The following FER variants were observed in gnomAD, a reference collection of about 807,000 sequenced individuals.
The protein encoded by FER is FER tyrosine kinase.
FER carries 63 observed loss-of-function variants against 111.0 expected under a neutral mutation model. The ratio of observed to expected loss-of-function variants is 0.57; its 90% CI spans 0.46 to 0.70. The LOEUF (loss-of-function observed/expected upper bound fraction) is 0.70. Among genes scored for constraint, FER ranks in the 30% least tolerant of loss-of-function variants. The pLI, the probability that FER is intolerant of heterozygous loss-of-function variation, is 0.00. For synonymous variants in FER, 327 were observed against 313.9 expected (o/e 1.04, Z -0.44); for missense variants, 914 against 954.0 (o/e 0.96, Z 0.55).
At chr5:108,993,640 C>CAAGGGA (rs1763610085) in intron 13 of FER, among the ~76,000 whole-genome samples, 1 of 111,090 alleles carries the variant, frequency 9.0e-6, no homozygotes, top group South Asian at 2.7e-4. Context: ...AGGGTGAGGG[C>CAAGGGA]GAGGGCGAGG....
chr5:109,012,201 T>C (rs1042428464), intron 13 of FER, among the ~76,000 whole-genome samples: 3 of 152,248 alleles, frequency 2.0e-5, no homozygotes, highest in African/African-American at 7.2e-5. Flanking sequence ...AGCCATGTTA[T>C]AGGTTTGCTT....
chr5:109,084,085 C>T (rs1777290078), intron 16 of FER, among the ~76,000 whole-genome samples: 1 of 152,006 alleles, frequency 6.6e-6, no homozygotes, highest in South Asian at 2.1e-4. Context: ...ATGTTACTTC[C>T]AGCCTGATTG....
chr5:108,894,032 A>G (rs769743270), intron 9 of FER, among the ~76,000 whole-genome samples: 3 of 145,358 alleles, frequency 2.1e-5, no homozygotes, highest in Admixed American at 7.0e-5. Flanking sequence ...GATTCCTTCC[A>G]TCTCCAAATG....
intron 3 of FER, chr5:108,817,900 T>G (rs949549240): frequency 6.6e-6 from 1 of 152,210 alleles, no homozygotes; most frequent in African/African-American, 2.4e-5. Flanking sequence ...TATTTACCTC[T>G]ATAGTCTTCC....
intron 17 of FER, among the ~76,000 whole-genome samples, chr5:109,146,198 AATCT>A (rs200295439): frequency 1.1e-4 from 10 of 92,940 alleles, no homozygotes; most frequent in Middle Eastern, 6.0e-3. Context: ...ATATATATAT[AATCT>A]ATCTATTTTA....
rs138724820 is a variant in FER at position 109,140,626 on chromosome 5, A to C, written c.2048+40107A>C. On this transcript the variant is annotated intron_variant, in intron 17 of 19. Coordinates refer to ENST00000281092, the MANE Select transcript of FER (RefSeq NM_005246.4). ...CCTGTTAAAATGATTTCAGTGTTTT[A>C]TGCTACCCTTATGAAAGTCTTGGAC... is the stretch of plus-strand genomic sequence containing the variant. Among the ~76,000 whole-genome samples the C allele has an allele frequency of 5.1e-3, 779 of 152,334 alleles. 8 individuals are homozygous for C. The highest frequency in any genetic ancestry group is 0.018 in the African/African-American group (733 of 41,584).
chr5:109,012,398 C>T (rs906596109), intron 13 of FER, among the ~76,000 whole-genome samples: 6 of 152,084 alleles, frequency 3.9e-5, no homozygotes, highest in Non-Finnish European at 8.8e-5. Flanking sequence ...GCAAGTTTCA[C>T]GTGTCACAAT....
chr5:108,955,963 C>A (rs1294137535), intron 12 of FER, among the ~76,000 whole-genome samples: 2 of 151,736 alleles, frequency 1.3e-5, no homozygotes, highest in East Asian at 3.8e-4. Context: ...ACATTTACAT[C>A]TCGTAGTTAT....
At chr5:109,039,951 A>T (rs1255108438) in intron 14 of FER, among the ~76,000 whole-genome samples, 2 of 152,096 alleles carry the variant, frequency 1.3e-5, no homozygotes, top group Non-Finnish European at 2.9e-5. Flanking sequence ...TGACTAAAAG[A>T]TGATGCTAGG....
chr5:108,957,311 C>A (rs1165396944), intron 12 of FER, among the ~76,000 whole-genome samples: 1 of 151,466 alleles, frequency 6.6e-6, no homozygotes, highest in Non-Finnish European at 1.5e-5. Flanking sequence ...AGACATTTCT[C>A]CAAAAAGTTG....
chr5:108,898,808 G>A (rs1183328319), intron 10 of FER, among the ~76,000 whole-genome samples: 1 of 151,450 alleles, frequency 6.6e-6, no homozygotes, highest in Non-Finnish European at 1.5e-5. Context: ...CAGACACTGT[G>A]ATTGTCATAA....
intron 5 of FER, among the ~76,000 whole-genome samples, chr5:108,840,224 A>C (rs1171181866): frequency 6.6e-6 from 1 of 152,190 alleles, no homozygotes; most frequent in Non-Finnish European, 1.5e-5. Flanking sequence ...ATTTCTAATA[A>C]AATTAACAAT....
At chr5:109,079,547 A>C (rs1776749335) in intron 16 of FER, among the ~76,000 whole-genome samples, 1 of 152,070 alleles carries the variant, frequency 6.6e-6, no homozygotes, top group Non-Finnish European at 1.5e-5. Flanking sequence ...AGCTTTCCTC[A>C]TTTTTTTCCT....
intron 16 of FER, among the ~76,000 whole-genome samples, chr5:109,054,753 T>A (rs11240990): frequency 0.058 from 8,809 of 152,280 alleles, 355 homozygotes; most frequent in South Asian, 0.11. Context: ...TTCAAGTTAA[T>A]TTTTGTATAT....
chr5:109,043,959 G>GA (rs1771569376), intron 14 of FER, among the ~76,000 whole-genome samples: 1 of 151,418 alleles, frequency 6.6e-6, no homozygotes, highest in African/African-American at 2.4e-5. Flanking sequence ...AACAGAGTGA[G>GA]ACTCTGTCTC....
chr5:108,961,918 G>C (rs1287639727), intron 13 of FER, among the ~76,000 whole-genome samples: 1 of 152,076 alleles, frequency 6.6e-6, no homozygotes, highest in Non-Finnish European at 1.5e-5. Context: ...TTTAATTTCT[G>C]TCTTGCTAGA....
intron 2 of FER, among the ~76,000 whole-genome samples, chr5:108,779,259 C>A (rs1011698661): frequency 4.6e-5 from 7 of 151,972 alleles, no homozygotes; most frequent in Non-Finnish European, 1.0e-4. Context: ...CAACTTTATT[C>A]TTTTCCTTTA....
rs1323468945 is a variant in FER, at chr5:109,159,975, G to GGT, written c.2049-20770_2049-20769dup. 3.3e-5 allele frequency among the ~76,000 whole-genome samples: 5 copies of GGT among 152,232 alleles called. No individual in the cohort carries two copies. The East Asian group carries it at 9.6e-4, about 29-fold the overall frequency. ...AGTGACAAAGAGAAAGACTACATTT[G>GGT]GTGGGGGTGGGGATCCCAACTTAAA... On this transcript the variant is annotated intron_variant, in intron 17 of 19. Transcript: ENST00000281092.
At chr5:109,173,743 T>G in intron 17 of FER, among the ~76,000 whole-genome samples, 1 of 140,442 alleles carries the variant, frequency 7.1e-6, no homozygotes. Context: ...GAGTAAGTGG[T>G]ATAATATGTA....
Sources: allele counts gnomAD v4.1 joint callset (sites outside exome capture counted in the v4.1 genomes callset), GRCh38; gene constraint gnomAD v4.1.1; transcripts MANE v1.5; gene names NCBI Gene and HGNC (gene_info 2026-07-23, HGNC 2026-07-21).